TRIOBP: variants seen among roughly 807,000 people sequenced by gnomAD.
The protein encoded by TRIOBP is TRIO and F-actin-binding protein.
TRIOBP carries 169 observed loss-of-function variants against 238.8 expected under a neutral mutation model. The ratio of observed to expected loss-of-function variants is 0.71; its 90% CI spans 0.62 to 0.80. The LOEUF is 0.80. Among genes scored for constraint, TRIOBP ranks in the 30% least tolerant of loss-of-function variants. The probability of loss-of-function intolerance (pLI) is 0.00; values close to 1 mark genes in which losing one functional copy is unlikely to be tolerated. For synonymous variants in TRIOBP, 1,150 were observed against 1,274.4 expected (o/e 0.90, Z 2.08); for missense variants, 2,838 against 3,122.6 (o/e 0.91, Z 2.17).
intron 6 of TRIOBP, among the ~76,000 whole-genome samples, chr22:37,716,201 T>A (rs1601625127): frequency 6.6e-6 from 1 of 151,304 alleles, no homozygotes; most frequent in South Asian, 2.1e-4. Context: ...AACCTTTGCC[T>A]CCCCAGTTCA....
intron 6 of TRIOBP, among the ~76,000 whole-genome samples, chr22:37,718,387 G>A (rs2145827287): frequency 6.6e-6 from 1 of 152,376 alleles, no homozygotes; most frequent in East Asian, 1.9e-4. Context: ...AGGGCCGCCA[G>A]CATGCTGTCA....
At chr22:37,746,315 C>T (rs1925258327) in intron 11 of TRIOBP, 3 of 1,005,376 alleles carry the variant, frequency 3.0e-6, no homozygotes, top group East Asian at 6.3e-5. Flanking sequence ...CCGAGAGGGG[C>T]GGCGGCGGCG....
At position 37,758,066 on chromosome 22, in the gene TRIOBP, T is replaced by C. The variant is rs1045638431; in HGVS notation, c.6141T>C (p.Thr2047=). Residue 2047 remains threonine, a synonymous_variant, in exon 16 of 24, where the codon ACT becomes ACC. Coordinates refer to ENST00000644935, the MANE Select transcript of TRIOBP (RefSeq NM_001039141.3). ...PLRENKRVPL[T]ALLNQSRGER... ...GGGAGAATAAGCGGGTGCCCCTCAC[T>C]GCCCTGCTCAACCAAAGCCGCGGAG... 12 of 1,611,596 alleles carry C rather than the reference T, an allele frequency of 7.4e-6. No individual in the cohort carries two copies. Among genetic ancestry groups the C allele is most frequent in the Non-Finnish European group, 1.0e-5 (12 of 1,179,814 alleles).
intron 8 of TRIOBP, among the ~76,000 whole-genome samples, 179 bp from the exon 9 acceptor site, chr22:37,734,220 G>C (rs1210945256): frequency 6.6e-6 from 1 of 152,200 alleles, no homozygotes. Context: ...AGGAAAGCGG[G>C]TGAAAGGGAG....
intron 21 of TRIOBP, among the ~76,000 whole-genome samples, chr22:37,769,580 G>C (rs34848977): frequency 1.3e-5 from 2 of 152,214 alleles, no homozygotes; most frequent in East Asian, 3.9e-4. Context: ...CCTACCTGCC[G>C]TGTACCATAG....
intron 10 of TRIOBP, among the ~76,000 whole-genome samples, 168 bp from the exon 11 acceptor site, chr22:37,740,727 T>C (rs188094619): frequency 2.6e-5 from 4 of 152,230 alleles, no homozygotes; most frequent in East Asian, 3.9e-4. Context: ...CACGATGTAG[T>C]GTGAACAAGT....
chr22:37,763,032 G>T (rs548825212), intron 17 of TRIOBP, among the ~76,000 whole-genome samples: 2 of 152,262 alleles, frequency 1.3e-5, no homozygotes, highest in East Asian at 1.9e-4. Flanking sequence ...AGGAAGGTAG[G>T]TGAGAGAGGC....
Position 37,725,546 on chromosome 22 carries a change from C to T in TRIOBP, c.2990C>T (p.Pro997Leu), listed in dbSNP as rs557275934. 4 of 1,613,664 alleles carry T rather than the reference C, an allele frequency of 2.5e-6. No individual in the cohort carries two copies. The highest frequency in any genetic ancestry group is 3.4e-6 in the Non-Finnish European group (4 of 1,180,022). The change falls in exon 7 of 24, where the codon CCC (proline) becomes CTC (leucine). Residue 997 changes from proline (P) to leucine (L), a missense_variant. Transcript: ENST00000644935. ...STSRTSSPVY[P>L]AAYGAPLTSP... ...TCCCGAACTTCCTCACCTGTGTACC[C>T]CGCTGCCTATGGGGCTCCCCTGACC...
chr22:37,701,002 A>G (rs1922615855), intron 2 of TRIOBP, among the ~76,000 whole-genome samples: 2 of 152,110 alleles, frequency 1.3e-5, no homozygotes, highest in Admixed American at 6.5e-5. Flanking sequence ...TGGTATCTGC[A>G]TTTTTATGAA....
At chr22:37,702,305 A>G (rs1333685879) in intron 3 of TRIOBP, among the ~76,000 whole-genome samples, 10 of 151,918 alleles carry the variant, frequency 6.6e-5, no homozygotes, top group Non-Finnish European at 1.5e-4. Flanking sequence ...CCTAGGTTCA[A>G]GCGATCCTCC....
intron 6 of TRIOBP, among the ~76,000 whole-genome samples, chr22:37,722,772 A>C (rs1192247631): frequency 6.6e-6 from 1 of 152,206 alleles, no homozygotes; most frequent in Non-Finnish European, 1.5e-5. Flanking sequence ...TTGGATTCTG[A>C]TTGAAGGAAA....
intron 23 of TRIOBP, 64 bp downstream of exon 23, chr22:37,772,828 T>C (rs1025351430): frequency 1.3e-5 from 21 of 1,578,896 alleles, no homozygotes; most frequent in Non-Finnish European, 1.1e-5. Flanking sequence ...CACCCGGGAC[T>C]CCCTGGACCA....
intron 9 of TRIOBP, among the ~76,000 whole-genome samples, chr22:37,736,021 CAG>C (rs1001959719): frequency 6.6e-6 from 1 of 152,262 alleles, no homozygotes; most frequent in Non-Finnish European, 1.5e-5. Flanking sequence ...CTCTCAGACA[CAG>C]AGAAGAGGGT....
intron 11 of TRIOBP, among the ~76,000 whole-genome samples, chr22:37,748,804 A>T (rs1925419387): frequency 6.6e-6 from 1 of 152,118 alleles, no homozygotes; most frequent in Non-Finnish European, 1.5e-5. Flanking sequence ...ATGAACTGTG[A>T]AGGGACCTCA....
chr22:37,775,831 C>T lies in TRIOBP; in HGVS notation c.*2051C>T, dbSNP rs1927005411. On this transcript the variant is annotated 3_prime_UTR_variant, in exon 24 of 24. Coordinates refer to ENST00000644935, the MANE Select transcript of TRIOBP (RefSeq NM_001039141.3). ...TGGCGCAAGGAGAGGACACCTCTCTCCTGGCCCTGTCGCCATCTTCCCTCA... is the reference window on the plus strand; with the variant it reads ...TGGCGCAAGGAGAGGACACCTCTCTTCTGGCCCTGTCGCCATCTTCCCTCA... 1 of 152,208 alleles carries T rather than the reference C, an allele frequency of 6.6e-6. No individual in the cohort carries two copies. The highest frequency in any genetic ancestry group is 2.1e-4 in the South Asian group (1 of 4,816). The allele number at this position is 152,208 out of a possible 1,614,324, so 9.4% of individuals were successfully genotyped here.
intron 11 of TRIOBP, among the ~76,000 whole-genome samples, chr22:37,744,262 G>A (rs982006710): frequency 3.3e-5 from 5 of 151,820 alleles, no homozygotes; most frequent in Non-Finnish European, 5.9e-5. Flanking sequence ...CACCCGCCTC[G>A]GCCTCCTAAA....
At chr22:37,727,469 G>C (rs1198341934) in intron 7 of TRIOBP, among the ~76,000 whole-genome samples, 7 of 151,836 alleles carry the variant, frequency 4.6e-5, no homozygotes, top group Non-Finnish European at 8.8e-5. Context: ...GAGATCGACA[G>C]CAGCCTGGCT....
rs549742018 is a variant in TRIOBP at position 37,723,335 on chromosome 22, C to T, written c.779C>T (p.Ser260Phe). ...SGPRSTTSQA[S>F]PAQRDTAQAA... ...CCTCGAAGCACCACGTCTCAGGCTT[C>T]TCCTGCCCAAAGGGACACTGCTCAG... The change falls in exon 7 of 24, where the codon TCT becomes TTT. Residue 260 changes from serine (S) to phenylalanine (F), a missense_variant. Ser to Phe is a radical substitution (Grantham distance 155, BLOSUM62 -2). Transcript: ENST00000644935. 6.2e-7 allele frequency: 1 copy of T among 1,614,148 alleles called. No individual in the cohort carries two copies. Among genetic ancestry groups the T allele is most frequent in the South Asian group, 1.1e-5 (1 of 91,084 alleles).
rs1435172259 is a variant in TRIOBP, at chr22:37,701,349, G to A, written c.-17G>A. On this transcript the variant is annotated 5_prime_UTR_variant, in exon 3 of 24. Transcript: ENST00000644935. ...GCCATTGGATCATAGGAACTGCCCT[G>A]GCCTGACTCACCCAATATGGAGGAG... 1 of 1,598,896 alleles carries A rather than the reference G, an allele frequency of 6.3e-7. No individual in the cohort carries two copies. The highest frequency in any genetic ancestry group is 8.6e-7 in the Non-Finnish European group (1 of 1,169,298).
Sources: gnomAD v4.1 joint callset for allele counts (sites outside exome capture counted in the v4.1 genomes callset) on GRCh38, gnomAD v4.1.1 for gene constraint, MANE v1.5 for transcripts, NCBI Gene and HGNC (gene_info 2026-07-23, HGNC 2026-07-21) for gene names.